The following RASSF3 variants were observed in gnomAD, a reference collection of about 807,000 sequenced individuals.
RASSF3 encodes the protein Ras association domain family member 3.
In RASSF3, 19 loss-of-function variants were observed where a neutral mutation model predicts 19.9. That is an observed-to-expected ratio of 0.96 (90% CI 0.67 to 1.40). The LOEUF (loss-of-function observed/expected upper bound fraction) is 1.40. RASSF3 is among the 40% of genes most tolerant of loss of function. The pLI is 0.00. For synonymous variants in RASSF3, 110 were observed against 104.2 expected (o/e 1.06, Z -0.34); for missense variants, 306 against 289.8 (o/e 1.06, Z -0.41).
chr12:64,650,816 C>T (rs763171997), intron 1 of RASSF3, among the ~76,000 whole-genome samples: 2 of 152,154 alleles, frequency 1.3e-5, no homozygotes, highest in Admixed American at 6.6e-5. Context: ...TTAGATGTTT[C>T]GTGTTGAATC....
intron 2 of RASSF3, among the ~76,000 whole-genome samples, chr12:64,555,145 G>A (rs994936960): frequency 2.0e-5 from 3 of 152,048 alleles, no homozygotes; most frequent in East Asian, 1.9e-4. Context: ...TCGGGAGGCT[G>A]AGGTGGGGGA....
In RASSF3 at chr12:64,526,360, A is replaced by G. The variant is rs572187732; in HGVS notation, c.170-15221A>G. Among the ~76,000 whole-genome samples the G allele has an allele frequency of 5.6e-4, 86 of 152,290 alleles. 1 individual carries two copies. The South Asian group carries it at 0.016, about 29-fold the overall frequency. On this transcript the variant is annotated intron_variant, in intron 1 of 5. Transcript: ENST00000637125. ...TTGGCAATTTTCAAGTATAGGATAC[A>G]TTGTTACTAACTATAGTCACTATGT...
At chr12:64,596,800 G>A (rs924202037) in intron 2 of RASSF3, among the ~76,000 whole-genome samples, 2 of 152,144 alleles carry the variant, frequency 1.3e-5, no homozygotes, top group Non-Finnish European at 2.9e-5. Flanking sequence ...CGTGATCTCA[G>A]CTCACCGCAA....
At chr12:64,663,840 C>CTTTTTTTT (rs34450092) in intron 1 of RASSF3, among the ~76,000 whole-genome samples, 1 of 73,082 alleles carries the variant, frequency 1.4e-5, no homozygotes, top group Non-Finnish European at 2.8e-5. Context: ...TTAGCCTTGC[C>CTTTTTTTT]TTTTTTTTTT....
At chr12:64,541,229 G>A (rs544275199) in intron 1 of RASSF3, among the ~76,000 whole-genome samples, 119 of 150,602 alleles carry the variant, frequency 7.9e-4, no homozygotes, top group Non-Finnish European at 1.4e-3. Context: ...CAATAGATCC[G>A]CCCGCCTTGC....
intron 2 of RASSF3, among the ~76,000 whole-genome samples, chr12:64,582,678 C>T (rs532420541): frequency 3.9e-5 from 6 of 152,304 alleles, no homozygotes; most frequent in Admixed American, 2.6e-4. Flanking sequence ...CTGAAGCCGT[C>T]TCCCTCTCAA....
In RASSF3 at chr12:64,524,914, T is replaced by C. The variant is rs1416764399; in HGVS notation, c.170-16667T>C. The stretch of plus-strand genomic sequence containing the variant: ...ATCCTCTTTATTCAGTTGTTAGGCA[T>C]CAGGTCTTAGAGTTGTGAAAATATT... On this transcript the variant is annotated intron_variant, in intron 1 of 5. Coordinates refer to the RASSF3 transcript ENST00000637125. Among the ~76,000 whole-genome samples the C allele has an allele frequency of 2.0e-5, 3 of 152,172 alleles. 1 individual carries two copies. The highest frequency in any genetic ancestry group is 7.2e-5 in the African/African-American group (3 of 41,426).
chr12:64,553,492 A>G (rs1228887302), intron 2 of RASSF3, among the ~76,000 whole-genome samples: 1 of 152,206 alleles, frequency 6.6e-6, no homozygotes, highest in Non-Finnish European at 1.5e-5. Context: ...ATTTGCAAAG[A>G]GAAGTATGCC....
At position 64,610,734 on chromosome 12, in the gene RASSF3, C is replaced by T; in HGVS notation, c.102C>T (p.Ser34=). Residue 34 remains serine (S), a synonymous_variant, in exon 1 of 5, where the codon TCC becomes TCT. Transcript: ENST00000542104. ...FRRAPQGKPR[S]GQQDVEKEKE... ...GAGCGCCCCAGGGCAAGCCCCGCTC[C>T]GGCCAACAAGTGAGTGGCGCGCGGC... The T allele has an allele frequency of 6.3e-7, 1 of 1,587,524 alleles. No individual in the cohort carries two copies. The highest frequency in any genetic ancestry group is 1.1e-5 in the South Asian group (1 of 88,714).
At chr12:64,682,610 A>G (rs1359002314) in intron 1 of RASSF3, among the ~76,000 whole-genome samples, 4 of 151,298 alleles carry the variant, frequency 2.6e-5, no homozygotes, top group Admixed American at 2.6e-4. Context: ...ATTTGTAGTC[A>G]GCACACCCCT....
At chr12:64,529,362 C>A (rs996076485), upstream of RASSF3, among the ~76,000 whole-genome samples, 2 of 152,142 alleles carry the variant, frequency 1.3e-5, no homozygotes, top group African/African-American at 4.8e-5. Flanking sequence ...GACATTTATG[C>A]CTTACTTGCA....
chr12:64,680,485 A>T (rs1440878004), intron 1 of RASSF3, among the ~76,000 whole-genome samples: 1 of 152,112 alleles, frequency 6.6e-6, no homozygotes, highest in Non-Finnish European at 1.5e-5. Context: ...GCAGAAGCTC[A>T]GCAAATATTT....
chr12:64,534,435 C>A (rs1433175626), intron 1 of RASSF3, among the ~76,000 whole-genome samples: 1 of 152,166 alleles, frequency 6.6e-6, no homozygotes, highest in Non-Finnish European at 1.5e-5. Context: ...TTTGAGGCTG[C>A]AGTGAGCTAT....
intron 4 of RASSF3, 85 bp downstream of exon 4, chr12:64,691,664 T>TGGGAAGAGAAGAGAGTGGGAGGGCA: frequency 8.3e-6 from 3 of 360,422 alleles, no homozygotes; most frequent in East Asian, 5.2e-5. Flanking sequence ...TGGCTATTGA[T>TGGGAAGAGAAGAGAGTGGGAGGGCA]GGGGGATGGG....
At chr12:64,667,801 G>C (rs1267941304) in intron 1 of RASSF3, among the ~76,000 whole-genome samples, 1 of 152,210 alleles carries the variant, frequency 6.6e-6, no homozygotes, top group East Asian at 1.9e-4. Flanking sequence ...CATCTCCAGA[G>C]CTGTGCAGCA....
At chr12:64,544,185 G>GCCCACCGTGAAACA (rs1565836346), downstream of RASSF3, among the ~76,000 whole-genome samples, 41 of 151,898 alleles carry the variant, frequency 2.7e-4, no homozygotes, top group Non-Finnish European at 5.3e-4. Context: ...ACCGTGAAAC[G>GCCCACCGTGAAACA]CTCATCGCGA....
chr12:64,560,137 G>A lies in RASSF3; in HGVS notation c.294+18432G>A, dbSNP rs556224899. 4.6e-5 allele frequency among the ~76,000 whole-genome samples: 7 copies of A among 152,346 alleles called. No homozygotes were observed. In the South Asian group the frequency reaches 1.5e-3, roughly 32 times the overall value. On this transcript the variant is annotated intron_variant, in intron 2 of 5. Coordinates refer to the RASSF3 transcript ENST00000637125. ...TGGAGGGTTCAGAGGGCTCTGCCAA[G>A]TCAACATCCTGAGAGGCATGCATTC...
intron 1 of RASSF3, among the ~76,000 whole-genome samples, chr12:64,536,138 A>G (rs1236738444): frequency 6.6e-6 from 1 of 151,366 alleles, no homozygotes; most frequent in Non-Finnish European, 1.5e-5. Context: ...AGCTGGGACT[A>G]TAGGCACCCA....
intron 2 of RASSF3, among the ~76,000 whole-genome samples, chr12:64,603,419 G>C (rs1870130294): frequency 1.3e-5 from 2 of 152,128 alleles, no homozygotes; most frequent in South Asian, 4.1e-4. Flanking sequence ...GGTTTATCTT[G>C]CAGTCCTCGT....
Sources: gnomAD v4.1 joint callset for allele counts (sites outside exome capture counted in the v4.1 genomes callset) on GRCh38, gnomAD v4.1.1 for gene constraint, MANE v1.5 for transcripts, NCBI Gene and HGNC (gene_info 2026-07-23, HGNC 2026-07-21) for gene names.